NIPBL: variants seen among roughly 807,000 people sequenced by gnomAD.
NIPBL encodes the protein nipped-B-like protein.
Under a neutral mutation model 321.8 loss-of-function variants are expected in NIPBL, and 19 were observed. The observed-to-expected ratio is 0.06, with a 90% CI of 0.04 to 0.09. The LOEUF (loss-of-function observed/expected upper bound fraction) is 0.09, where lower values mean the gene tolerates loss of function less well. NIPBL is among the 10% of genes least tolerant of loss of function. The pLI is 1.00. For missense variants in NIPBL, 2,210 were observed against 3,327.0 expected (o/e 0.66, Z 8.26); for synonymous variants, 1,106 against 1,114.1 (o/e 0.99, Z 0.14).
At chr5:36,896,944 T>C (rs1443019575) in intron 1 of NIPBL, among the ~76,000 whole-genome samples, 1 of 152,094 alleles carries the variant, frequency 6.6e-6, no homozygotes, top group Admixed American at 6.5e-5. Flanking sequence ...TTTCTTTTGT[T>C]AAATTTGTTC....
Position 36,985,794 on chromosome 5 carries a change from C to A in NIPBL, c.2614C>A (p.His872Asn), listed in dbSNP as rs1335958053. 1.2e-6 allele frequency: 2 copies of A among 1,613,770 alleles called. No individual in the cohort carries two copies. Among genetic ancestry groups the A allele is most frequent in the Non-Finnish European group, 1.7e-6 (2 of 1,179,956 alleles). Residue 872 changes from histidine (H) to asparagine (N), a missense_variant, in exon 10 of 47, where the codon CAT (histidine) becomes AAT (asparagine). Around this residue, in one of 14 missense-constraint regions of NIPBL, gnomAD observed 588 missense variants for 564.1 expected, o/e 1.04. Coordinates refer to ENST00000282516, the MANE Select transcript of NIPBL (RefSeq NM_133433.4). ...KTDKLERKHR[H>N]ESGDSRERPS... is the part of the protein sequence containing the mutation. ...TGATAAACTAGAACGAAAACACAGG[C>A]ATGAATCAGGGGACTCAAGGGAAAG...
chr5:36,898,595 T>TC (rs1311633658), intron 1 of NIPBL, among the ~76,000 whole-genome samples: 1 of 146,218 alleles, frequency 6.8e-6, no homozygotes, highest in African/African-American at 2.5e-5. Context: ...CACCACAACC[T>TC]CCGCCTCCCA....
intron 1 of NIPBL, among the ~76,000 whole-genome samples, chr5:36,929,010 C>T (rs1369683897): frequency 1.3e-5 from 2 of 151,936 alleles, no homozygotes; most frequent in African/African-American, 2.4e-5. Flanking sequence ...TTTTATTTAT[C>T]TTGGATACAT....
At chr5:36,956,065 C>T (rs981162458) in intron 3 of NIPBL, among the ~76,000 whole-genome samples, 1 of 105,028 alleles carries the variant, frequency 9.5e-6, no homozygotes, top group Non-Finnish European at 2.1e-5. Context: ...ACTAAAAATA[C>T]AAAAAAAAAA....
intron 1 of NIPBL, among the ~76,000 whole-genome samples, chr5:36,882,531 C>A (rs72734672): frequency 6.6e-6 from 1 of 151,884 alleles, no homozygotes; most frequent in Non-Finnish European, 1.5e-5. Context: ...TAAGCCTTAA[C>A]CACGATACTG....
At position 36,967,847 on chromosome 5, in the gene NIPBL, C is replaced by T. The variant is rs114130818; in HGVS notation, c.611-3029C>T. Among the ~76,000 whole-genome samples, 1,244 of 152,122 alleles carry T rather than the reference C, an allele frequency of 8.2e-3. 13 individuals carry two copies. Among genetic ancestry groups the T allele is most frequent in the African/African-American group, 0.028 (1,182 of 41,512 alleles). The stretch of plus-strand genomic sequence containing the variant: ...AGGCATGATTGCTCACTCTTGTAAT[C>T]CTATCACTTTGGGAGGCCAGAACGG... On this transcript the variant is annotated intron_variant, in intron 6 of 46. Transcript: ENST00000282516.
intron 32 of NIPBL, among the ~76,000 whole-genome samples, chr5:37,029,356 T>G (rs915602030): frequency 1.2e-4 from 18 of 152,338 alleles, no homozygotes; most frequent in Middle Eastern, 3.4e-3. Context: ...TGTGTTTGAC[T>G]TTTTAAACTT....
At chr5:36,884,225 T>C (rs1486154367) in intron 1 of NIPBL, among the ~76,000 whole-genome samples, 5 of 152,104 alleles carry the variant, frequency 3.3e-5, no homozygotes. Context: ...TTACATACTG[T>C]GGCTAATATA....
At chr5:36,888,576 A>G (rs1746089897) in intron 1 of NIPBL, among the ~76,000 whole-genome samples, 1 of 152,162 alleles carries the variant, frequency 6.6e-6, no homozygotes, top group Non-Finnish European at 1.5e-5. Flanking sequence ...ACAACAGAAA[A>G]CTAAAGAAAT....
Position 36,996,566 on chromosome 5 carries a change from T to C in NIPBL, c.3304+762T>C, listed in dbSNP as rs1220802792. The C allele has an allele frequency of 4.4e-6, 2 of 455,122 alleles. No individual in the cohort carries two copies. The highest frequency in any genetic ancestry group is 8.8e-6 in the Non-Finnish European group (2 of 226,258). The allele number at this position is 455,122 out of a possible 1,614,324, so 28.2% of individuals were successfully genotyped here. A position where few individuals can be genotyped will look rare whatever the true frequency, so the allele number is the denominator to read the frequency against. On this transcript the variant is annotated intron_variant, in intron 11 of 46. Coordinates refer to ENST00000282516, the MANE Select transcript of NIPBL (RefSeq NM_133433.4). The surrounding 1 kb of genome is among the most constrained non-coding windows in gnomAD (Gnocchi z 5.0). Reference sequence around the variant, plus strand: ...TATACCTCGCCTGTCTTCCTACTGGTCCACTGAAAAAGTTCTTCTCTTTTA... The same window carrying C: ...TATACCTCGCCTGTCTTCCTACTGGCCCACTGAAAAAGTTCTTCTCTTTTA...
intron 1 of NIPBL, among the ~76,000 whole-genome samples, chr5:36,905,318 G>A (rs777334287): frequency 3.3e-5 from 5 of 152,162 alleles, no homozygotes; most frequent in Non-Finnish European, 7.4e-5. Flanking sequence ...TGGTTCTGAC[G>A]CAGGAGTTTT....
intron 9 of NIPBL, among the ~76,000 whole-genome samples, chr5:36,980,662 T>G (rs1744036376): frequency 6.6e-6 from 1 of 151,622 alleles, no homozygotes; most frequent in Non-Finnish European, 1.5e-5. Flanking sequence ...AGGTACATAG[T>G]AGGCTATATC....
At chr5:36,888,378 C>T (rs1372525079) in intron 1 of NIPBL, among the ~76,000 whole-genome samples, 2 of 151,956 alleles carry the variant, frequency 1.3e-5, no homozygotes, top group African/African-American at 4.8e-5. Context: ...TCTTTTCATT[C>T]TTGCTTTTAG....
intron 42 of NIPBL, 49 bp from the exon 43 acceptor site, chr5:37,057,137 G>C (rs747106329): frequency 6.2e-7 from 1 of 1,604,510 alleles, no homozygotes; most frequent in African/African-American, 1.3e-5. Context: ...TTTTGGTTGG[G>C]TTTCTAGATT....
Position 36,985,066 on chromosome 5 carries a change from G to A in NIPBL, c.1886G>A (p.Arg629Gln), listed in dbSNP as rs768964587. 5.8e-5 allele frequency: 93 copies of A among 1,613,696 alleles called. No homozygotes were observed. The highest frequency in any genetic ancestry group is 8.8e-5 in the South Asian group (8 of 91,066). ...RLAESKPNEN[R>Q]LVETKSSENK... Reference sequence around the variant, plus strand: ...GCAGAATCTAAACCAAATGAAAACCGATTGGTGGAGACAAAATCAAGTGAA... The same window carrying A: ...GCAGAATCTAAACCAAATGAAAACCAATTGGTGGAGACAAAATCAAGTGAA... The change falls in exon 10 of 47, where the codon CGA (arginine) becomes CAA (glutamine). Residue 629 changes from arginine (R) to glutamine (Q), a missense_variant. Physicochemically the swap from Arg to Gln is conservative, Grantham distance 43 (BLOSUM62 1). Transcript: ENST00000282516.
At chr5:36,915,283 TA>T (rs968415090) in intron 1 of NIPBL, among the ~76,000 whole-genome samples, 8 of 152,126 alleles carry the variant, frequency 5.3e-5, no homozygotes, top group African/African-American at 1.9e-4. Flanking sequence ...TTTCTAATAT[TA>T]AAAATTTTAA....
intron 1 of NIPBL, among the ~76,000 whole-genome samples, chr5:36,908,207 ACT>A (rs1237356556): frequency 6.6e-6 from 1 of 151,610 alleles, no homozygotes; most frequent in Non-Finnish European, 1.5e-5. Flanking sequence ...TGGGGAAAAA[ACT>A]CTTTTTTGAG....
intron 32 of NIPBL, among the ~76,000 whole-genome samples, chr5:37,033,491 C>T (rs1389054109): frequency 6.6e-6 from 1 of 150,922 alleles, no homozygotes; most frequent in Non-Finnish European, 1.5e-5. Context: ...AGAAGTGGCA[C>T]TGCAGATGAT....
chr5:36,991,655 T>C (rs573515668), intron 10 of NIPBL, among the ~76,000 whole-genome samples: 3 of 152,136 alleles, frequency 2.0e-5, no homozygotes, highest in South Asian at 2.1e-4. Flanking sequence ...TTACCTCTAA[T>C]TGAAGTTGAA....
Sources: allele counts gnomAD v4.1 joint callset (sites outside exome capture counted in the v4.1 genomes callset), GRCh38; gene constraint gnomAD v4.1.1; regional missense constraint gnomAD v4.1.1; non-coding constraint Gnocchi (gnomAD v3.1); transcripts MANE v1.5; gene names NCBI Gene and HGNC (gene_info 2026-07-23, HGNC 2026-07-21).